DLG2: variants seen among roughly 807,000 people sequenced by gnomAD.
The protein encoded by DLG2 is disks large homolog 2.
Under a neutral mutation model 132.5 loss-of-function variants are expected in DLG2, and 45 were observed. The ratio of observed to expected loss-of-function variants is 0.34; its 90% CI spans 0.27 to 0.44. DLG2 has a LOEUF of 0.44. Among genes scored for constraint, DLG2 ranks in the 20% least tolerant of loss-of-function variants. The pLI is 1.00. For missense variants in DLG2, 1,045 were observed against 1,196.9 expected, an observed-to-expected ratio of 0.87 and a Z score of 1.87; for synonymous variants, 424 against 419.6, an observed-to-expected ratio of 1.01 and a Z score of -0.13.
At chr11:84,859,417 TATACATATACA>T (rs2083297050) in intron 6 of DLG2, among the ~76,000 whole-genome samples, 1 of 144,672 alleles carries the variant, frequency 6.9e-6, no homozygotes, top group African/African-American at 2.6e-5. Flanking sequence ...CATATATATG[TATACATATACA>T]TATATATGTA....
intron 6 of DLG2, among the ~76,000 whole-genome samples, chr11:84,703,129 G>C (rs1352699685): frequency 2.0e-5 from 3 of 151,584 alleles, no homozygotes; most frequent in African/African-American, 7.3e-5. Flanking sequence ...CCTTATTAGA[G>C]AAAAATGTGC....
rs574535515 is a variant in DLG2 at position 84,749,562 on chromosome 11, G to A, written c.358-214831C>T. Among the ~76,000 whole-genome samples, 12 of 152,150 alleles carry A rather than the reference G, an allele frequency of 7.9e-5. No homozygotes were observed. The South Asian group carries it at 2.5e-3, about 32-fold the overall frequency. ...ACAGGTTTGCAGTCAAGGAGCAGTG[G>A]GTCATACCATGTAGCCTAGGTATAT... On this transcript the variant is annotated intron_variant, in intron 6 of 27. Transcript: ENST00000376104.
intron 8 of DLG2, among the ~76,000 whole-genome samples, chr11:84,199,173 T>C (rs1301040127): frequency 6.6e-6 from 1 of 152,134 alleles, no homozygotes; most frequent in Admixed American, 6.5e-5. Context: ...CTAAGAGTGC[T>C]AGAAAGCTTT....
intron 5 of DLG2, among the ~76,000 whole-genome samples, chr11:85,144,763 A>G (rs1468969569): frequency 2.0e-5 from 3 of 151,844 alleles, no homozygotes; most frequent in Non-Finnish European, 2.9e-5. Flanking sequence ...GTTTCTATAT[A>G]TTTTTATACT....
At chr11:84,036,799 G>A (rs182609081) in intron 11 of DLG2, among the ~76,000 whole-genome samples, 3 of 152,260 alleles carry the variant, frequency 2.0e-5, no homozygotes, top group East Asian at 1.9e-4. Context: ...GTGGGTCACA[G>A]CACCTTCTGT....
chr11:83,559,266 G>T (rs2096571389), intron 19 of DLG2, among the ~76,000 whole-genome samples: 1 of 152,086 alleles, frequency 6.6e-6, no homozygotes, highest in Admixed American at 6.6e-5. Flanking sequence ...GGGTGTGCAG[G>T]GGGGAAATCT....
chr11:85,463,923 C>G (rs151189601), intron 3 of DLG2, among the ~76,000 whole-genome samples: 1 of 150,420 alleles, frequency 6.6e-6, no homozygotes, highest in African/African-American at 2.4e-5. Flanking sequence ...ACACAGCAAG[C>G]ACTATACTAT....
rs187333409 is a variant in DLG2 at position 85,521,529 on chromosome 11, A to G, written c.40+77128T>C. The stretch of plus-strand genomic sequence containing the variant: ...CAGAGAGTGGGGTACTGCTATAAAG[A>G]TATCTGAAAATGTGGAAGCAACTTT... On this transcript the variant is annotated intron_variant, in intron 3 of 27. Coordinates refer to ENST00000376104, the MANE Select transcript of DLG2 (RefSeq NM_001142699.3). 1.7e-3 allele frequency among the ~76,000 whole-genome samples: 257 copies of G among 152,304 alleles called. 1 individual carries two copies. The highest frequency in any genetic ancestry group is 6.0e-3 in the African/African-American group (249 of 41,558).
intron 10 of DLG2, among the ~76,000 whole-genome samples, chr11:84,063,103 C>G (rs1406868285): frequency 6.6e-6 from 1 of 152,106 alleles, no homozygotes; most frequent in Non-Finnish European, 1.5e-5. Flanking sequence ...AAGCGATACT[C>G]CATCTCTAAA....
chr11:85,024,572 T>A (rs992003964), intron 6 of DLG2, among the ~76,000 whole-genome samples: 1 of 152,334 alleles, frequency 6.6e-6, no homozygotes, highest in East Asian at 1.9e-4. Flanking sequence ...GTCTCGACTC[T>A]TCATTGCATG....
chr11:83,558,848 C>CGTGTGTGTGTGTGTGTGTGT lies in DLG2; in HGVS notation c.1941-17010_1941-16991dup, dbSNP rs3039336. ...CCCGGTAAAAAACAGTGCTAGATGT[C>CGTGTGTGTGTGTGTGTGTGT]GTGTGTGTGTGTGTGTGTGTGTGTG... On this transcript the variant is annotated intron_variant, in intron 19 of 27. Transcript: ENST00000376104. Among the ~76,000 whole-genome samples the CGTGTGTGTGTGTGTGTGTGT allele has an allele frequency of 5.8e-3, 826 of 142,316 alleles. 10 individuals carry two copies. Among genetic ancestry groups the CGTGTGTGTGTGTGTGTGTGT allele is most frequent in the Middle Eastern group, 0.026 (7 of 274 alleles). The allele number at this position is 142,316 out of a possible 152,430, so 93.4% of individuals were successfully genotyped here.
intron 6 of DLG2, among the ~76,000 whole-genome samples, chr11:84,758,010 T>C (rs11234160): frequency 0.11 from 15,993 of 152,246 alleles, 917 homozygotes; most frequent in African/African-American, 0.12. Flanking sequence ...AGGAATAATC[T>C]ACAATCTGTA....
intron 15 of DLG2, among the ~76,000 whole-genome samples, chr11:83,891,452 G>T (rs2069842759): frequency 1.3e-5 from 2 of 152,158 alleles, no homozygotes; most frequent in Non-Finnish European, 2.9e-5. Context: ...TATTCTGTAG[G>T]CAAAGAAGAG....
chr11:84,056,784 A>T (rs1214977679), intron 11 of DLG2, among the ~76,000 whole-genome samples: 1 of 152,138 alleles, frequency 6.6e-6, no homozygotes, highest in Non-Finnish European at 1.5e-5. Flanking sequence ...TGACTAAAAT[A>T]GTTTTTCTGT....
intron 7 of DLG2, among the ~76,000 whole-genome samples, chr11:84,526,620 GTTATAA>G (rs1232616258): frequency 2.0e-5 from 3 of 152,082 alleles, no homozygotes; most frequent in Admixed American, 1.3e-4. Context: ...AAAGTATATT[GTTATAA>G]TTATATTTTA....
chr11:83,608,525 A>T (rs908819729), intron 19 of DLG2, among the ~76,000 whole-genome samples: 2 of 152,166 alleles, frequency 1.3e-5, no homozygotes, highest in Non-Finnish European at 2.9e-5. Flanking sequence ...AATGTTGATT[A>T]TCTCATGTAA....
intron 6 of DLG2, among the ~76,000 whole-genome samples, chr11:84,662,596 A>T (rs1266788350): frequency 6.6e-6 from 1 of 151,886 alleles, no homozygotes; most frequent in Non-Finnish European, 1.5e-5. Context: ...AGACCAGTCC[A>T]GCCAACATGG....
intron 4 of DLG2, among the ~76,000 whole-genome samples, chr11:85,167,128 C>T (rs2078510123): frequency 6.6e-6 from 1 of 152,064 alleles, no homozygotes; most frequent in Admixed American, 6.6e-5. Flanking sequence ...GCCATATAAA[C>T]TCTAAAAATA....
At chr11:84,480,969 C>A (rs898049078) in intron 7 of DLG2, among the ~76,000 whole-genome samples, 1 of 151,864 alleles carries the variant, frequency 6.6e-6, no homozygotes, top group Non-Finnish European at 1.5e-5. Context: ...GAACTCCTTA[C>A]CTCAGGTGGT....
Sources: gnomAD v4.1 joint callset for allele counts (sites outside exome capture counted in the v4.1 genomes callset) on GRCh38, gnomAD v4.1.1 for gene constraint, MANE v1.5 for transcripts, NCBI Gene and HGNC (gene_info 2026-07-23, HGNC 2026-07-21) for gene names.